SLC44A5: variants seen among roughly 807,000 people sequenced by gnomAD.
SLC44A5 encodes choline transporter-like protein 5.
In SLC44A5, 57 loss-of-function variants were observed where a neutral mutation model predicts 101.8. That is an observed-to-expected ratio of 0.56 (90% CI 0.45 to 0.70). SLC44A5 has a LOEUF of 0.70. SLC44A5 is among the 30% of genes least tolerant of loss of function. SLC44A5 has a pLI of 0.00. For missense variants in SLC44A5, 737 were observed against 853.1 expected (o/e 0.86, Z 1.70); for synonymous variants, 281 against 290.9 (o/e 0.97, Z 0.35).
chr1:75,285,726 C>A (rs1652981862), intron 5 of SLC44A5, among the ~76,000 whole-genome samples: 1 of 151,878 alleles, frequency 6.6e-6, no homozygotes, highest in Admixed American at 6.6e-5. Context: ...TTATTGTTGA[C>A]CCAATAATAA....
the SLC44A5 span, among the ~76,000 whole-genome samples, chr1:75,660,379 C>G: frequency 6.6e-6 from 1 of 152,036 alleles, no homozygotes; most frequent in Non-Finnish European, 1.5e-5. Context: ...TAGCATAATA[C>G]TGACCGGGAA....
intron 2 of SLC44A5, among the ~76,000 whole-genome samples, chr1:75,507,545 T>C (rs1048854387): frequency 2.6e-5 from 4 of 152,178 alleles, no homozygotes; most frequent in African/African-American, 9.7e-5. Context: ...GTTTTGGTAC[T>C]ATGGCGAGGC....
the SLC44A5 span, among the ~76,000 whole-genome samples, chr1:75,665,841 T>G: frequency 6.6e-6 from 1 of 152,124 alleles, no homozygotes; most frequent in Non-Finnish European, 1.5e-5. Flanking sequence ...AGAGGATATA[T>G]GAGCAGTCAA....
intron 2 of SLC44A5, among the ~76,000 whole-genome samples, chr1:75,540,461 T>C (rs1671299045): frequency 6.6e-6 from 1 of 152,192 alleles, no homozygotes; most frequent in Admixed American, 6.5e-5. Context: ...GTTCACAAGA[T>C]CAGATAAATG....
intron 1 of SLC44A5, among the ~76,000 whole-genome samples, chr1:75,601,406 ACAG>A (rs1002271733): frequency 6.6e-6 from 1 of 151,706 alleles, no homozygotes; most frequent in Non-Finnish European, 1.5e-5. Flanking sequence ...TAGAGGAGGG[ACAG>A]CATTAGGAGA....
At chr1:75,438,859 C>G (rs1471078718) in intron 2 of SLC44A5, among the ~76,000 whole-genome samples, 2 of 152,118 alleles carry the variant, frequency 1.3e-5, no homozygotes, top group African/African-American at 4.8e-5. Flanking sequence ...AGATTTAGAT[C>G]TCTTCAAAGA....
chr1:75,434,385 C>A (rs138121976), intron 2 of SLC44A5, among the ~76,000 whole-genome samples: 13 of 152,230 alleles, frequency 8.5e-5, no homozygotes, highest in Non-Finnish European at 1.8e-4. Flanking sequence ...ATCTCTCTGC[C>A]TCCAATCTCA....
chr1:75,237,130 C>T, intron 10 of SLC44A5, 60 bp from the exon 11 acceptor site: 1 of 1,027,876 alleles, frequency 9.7e-7, no homozygotes. Context: ...CAGAAATGTT[C>T]TTTTTATGAT....
intron 5 of SLC44A5, among the ~76,000 whole-genome samples, chr1:75,277,479 A>G (rs1652019698): frequency 6.6e-6 from 1 of 152,176 alleles, no homozygotes; most frequent in Non-Finnish European, 1.5e-5. Context: ...CTTGCTTTCT[A>G]TTGCCTGTGG....
chr1:75,221,779 G>C (rs551501335), intron 14 of SLC44A5, among the ~76,000 whole-genome samples: 2 of 152,026 alleles, frequency 1.3e-5, no homozygotes, highest in Middle Eastern at 3.4e-3. Flanking sequence ...ACACATATTT[G>C]GTGTTCAAAA....
intron 6 of SLC44A5, 78 bp from the exon 7 acceptor site, chr1:75,251,372 T>C: frequency 1.7e-6 from 2 of 1,175,874 alleles, no homozygotes; most frequent in African/African-American, 1.5e-5. Context: ...ACACTTTTTA[T>C]AAATAACCTT....
intron 4 of SLC44A5, among the ~76,000 whole-genome samples, chr1:75,318,442 T>C (rs1345416622): frequency 1.3e-5 from 2 of 152,038 alleles, no homozygotes; most frequent in Non-Finnish European, 2.9e-5. Flanking sequence ...AAATCTGCTG[T>C]ATAGATGTAT....
chr1:75,328,218 C>T (rs947842163), intron 4 of SLC44A5, among the ~76,000 whole-genome samples: 3 of 152,188 alleles, frequency 2.0e-5, no homozygotes, highest in Non-Finnish European at 4.4e-5. Context: ...AGAATGTACA[C>T]TTAAATATAT....
intron 4 of SLC44A5, among the ~76,000 whole-genome samples, chr1:75,332,159 T>A (rs1415934424): frequency 3.9e-5 from 6 of 152,216 alleles, no homozygotes; most frequent in African/African-American, 1.4e-4. Context: ...ATGCCTCTTG[T>A]AATTTAAAAC....
At chr1:75,445,021 T>C (rs964039436) in intron 2 of SLC44A5, among the ~76,000 whole-genome samples, 10 of 152,256 alleles carry the variant, frequency 6.6e-5, no homozygotes, top group Admixed American at 5.2e-4. Context: ...AGACATCCTC[T>C]CTCTTGATGT....
intron 4 of SLC44A5, among the ~76,000 whole-genome samples, chr1:75,332,688 G>A (rs1282254025): frequency 1.3e-5 from 2 of 152,128 alleles, no homozygotes; most frequent in Non-Finnish European, 2.9e-5. Context: ...TGAAGAAGGG[G>A]TTCATTCATA....
rs10684140 is a variant in SLC44A5 at position 75,302,112 on chromosome 1, G to GTTTTTTTTTTTTTTT, written c.102-1442_102-1428dup. Among the ~76,000 whole-genome samples the GTTTTTTTTTTTTTTT allele has an allele frequency of 1.5e-3, 93 of 60,120 alleles. 7 individuals carry two copies. Among genetic ancestry groups the GTTTTTTTTTTTTTTT allele is most frequent in the Middle Eastern group, 0.025 (1 of 40 alleles). The allele number at this position is 60,120 out of a possible 152,430, so 39.4% of individuals were successfully genotyped here. ...AGAAAGCAGGTGCTCTAGTTTTTTT[G>GTTTTTTTTTTTTTTT]TTTTTTTTTTTTTTTTTTTTTTTTG... On this transcript the variant is annotated intron_variant, in intron 4 of 23. Transcript: ENST00000370859.
At chr1:75,632,087 C>T in the SLC44A5 span, among the ~76,000 whole-genome samples, 1 of 152,118 alleles carries the variant, frequency 6.6e-6, no homozygotes, top group Non-Finnish European at 1.5e-5. Context: ...ATATTACCCA[C>T]CCTTCAGTCC....
chr1:75,600,740 T>C (rs1433942858), intron 1 of SLC44A5, among the ~76,000 whole-genome samples: 1 of 152,128 alleles, frequency 6.6e-6, no homozygotes, highest in African/African-American at 2.4e-5. Flanking sequence ...GTCTAGAGTA[T>C]TTAATACAGT....
Sources: gnomAD v4.1 joint callset for allele counts (sites outside exome capture counted in the v4.1 genomes callset) on GRCh38, gnomAD v4.1.1 for gene constraint, MANE v1.5 for transcripts, NCBI Gene and HGNC (gene_info 2026-07-23, HGNC 2026-07-21) for gene names.